The following PGAP6 variants were observed in gnomAD, a reference collection of about 807,000 sequenced individuals.
The protein encoded by PGAP6 is post-GPI attachment to proteins factor 6.
PGAP6 carries 62 observed loss-of-function variants against 68.4 expected under a neutral mutation model. The observed-to-expected ratio is 0.91, with a 90% CI of 0.74 to 1.12. The LOEUF (loss-of-function observed/expected upper bound fraction) is 1.12. Among genes scored for constraint, PGAP6 ranks in the 50% most tolerant of loss-of-function variants. The pLI is 0.00. For synonymous variants in PGAP6, 575 were observed against 474.0 expected, an observed-to-expected ratio of 1.21 and a Z score of -2.77; for missense variants, 1,188 against 1,068.5, an observed-to-expected ratio of 1.11 and a Z score of -1.56.
Position 380,231 on chromosome 16 carries a change from T to C in PGAP6, c.121+1470A>G, listed in dbSNP as rs1304596101. Among the ~76,000 whole-genome samples the C allele has an allele frequency of 2.0e-5, 3 of 152,152 alleles. No individual in the cohort carries two copies. In the East Asian group the frequency reaches 5.8e-4, roughly 29 times the overall value. On this transcript the variant is annotated intron_variant, in intron 1 of 12. Coordinates refer to ENST00000431232, the MANE Select transcript of PGAP6 (RefSeq NM_021259.3). ...AGTTTCCAACGGAGTAAGGTTTTGGTATTTCTGAGGGTCTCACTCTGTCAC... is the reference window on the plus strand; with the variant it reads ...AGTTTCCAACGGAGTAAGGTTTTGGCATTTCTGAGGGTCTCACTCTGTCAC...
Position 372,693 on chromosome 16 carries a change from A to AT in PGAP6, c.1936dup (p.Met646AsnfsTer70). On this transcript the variant is annotated frameshift_variant, in exon 12 of 13. Coordinates refer to ENST00000431232, the MANE Select transcript of PGAP6 (RefSeq NM_021259.3). LOFTEE classifies it high-confidence loss of function. The stretch of plus-strand genomic sequence containing the variant: ...GCCCCTGCGGTCCAGCTGCAAGGAC[A>AT]TGGCGATGACCAGTGTACCCAGAAG... 2.5e-6 allele frequency: 4 copies of AT among 1,612,478 alleles called. No individual in the cohort carries two copies. Among genetic ancestry groups the AT allele is most frequent in the Non-Finnish European group, 2.5e-6 (3 of 1,179,778 alleles).
chr16:378,516 T>TGCCATCGCCACCCACACTGCCATC (rs138314253), intron 1 of PGAP6, among the ~76,000 whole-genome samples: 77 of 1,374 alleles, frequency 0.056, 33 homozygotes, highest in African/African-American at 0.16. Context: ...CCACCCGCAC[T>TGCCATCGCCACCCACACTGCCATC]GCCACCCGGA....
chr16:385,706 G>C (rs1207896917), upstream of PGAP6, among the ~76,000 whole-genome samples: 4 of 138,944 alleles, frequency 2.9e-5, no homozygotes, highest in Middle Eastern at 4.0e-3. Context: ...CTCACTGCAA[G>C]CTCCGCCTCC....
rs546881073 is a variant in PGAP6 at position 372,830 on chromosome 16, C to T, written c.1903-103G>A. On this transcript the variant is annotated intron_variant, in intron 11 of 12. Coordinates refer to ENST00000431232, the MANE Select transcript of PGAP6 (RefSeq NM_021259.3). ...CCCACAGCACCTCTGCCTGCCCCCT[C>T]GGAGCTGCTGCCACCCTCAGACCAG... 1,639 of 797,572 alleles carry T rather than the reference C, an allele frequency of 2.1e-3. 3 individuals carry two copies. The highest frequency in any genetic ancestry group is 2.9e-3 in the Non-Finnish European group (1,418 of 494,660). The allele number at this position is 797,572 out of a possible 1,614,324, so 49.4% of individuals were successfully genotyped here.
At chr16:372,818 T>A (rs972610422) in intron 11 of PGAP6, 91 bp from the exon 12 acceptor site, 18 of 895,276 alleles carry the variant, frequency 2.0e-5, no homozygotes, top group South Asian at 3.2e-5. Context: ...ACAGCACCTC[T>A]GCCTGCCCCC....
upstream of PGAP6, chr16:382,004 G>A: frequency 2.1e-6 from 2 of 934,644 alleles, no homozygotes; most frequent in Non-Finnish European, 2.6e-6. Context: ...CGCCCCGCAG[G>A]CCGAGCCGGG....
At position 372,656 on chromosome 16, in the gene PGAP6, C is replaced by A. The variant is rs1053073778; in HGVS notation, c.1974G>T (p.Met658Ile). 3 of 1,612,346 alleles carry A rather than the reference C, an allele frequency of 1.9e-6. No homozygotes were observed. Among genetic ancestry groups the A allele is most frequent in the Non-Finnish European group, 2.5e-6 (3 of 1,179,900 alleles). Reference sequence around the variant, plus strand: ...CGAAGGCAAAGAGGCAGGGCCCCAGCATGTTCCACATGCCCCTGCGGTCCA... The same window carrying A: ...CGAAGGCAAAGAGGCAGGGCCCCAGAATGTTCCACATGCCCCTGCGGTCCA... ...LQLDRRGMWN[M>I]LGPCLFAFVI... Residue 658 changes from methionine to isoleucine, a missense_variant, in exon 12 of 13, where the codon ATG (methionine) becomes ATT (isoleucine). Coordinates refer to ENST00000431232, the MANE Select transcript of PGAP6 (RefSeq NM_021259.3).
At chr16:383,610 A>C (rs1216628905), upstream of PGAP6, among the ~76,000 whole-genome samples, 1 of 152,266 alleles carries the variant, frequency 6.6e-6, no homozygotes, top group East Asian at 1.9e-4. Flanking sequence ...CACCAGGTGC[A>C]GCAGTAGCTG....
intron 1 of PGAP6, among the ~76,000 whole-genome samples, chr16:380,435 C>T (rs1042312723): frequency 6.6e-5 from 10 of 151,206 alleles, no homozygotes; most frequent in South Asian, 2.1e-4. Flanking sequence ...GGAGCGACTT[C>T]GGCTCACCGC....
upstream of PGAP6, among the ~76,000 whole-genome samples, chr16:385,495 T>C (rs1463217980): frequency 1.3e-5 from 2 of 149,496 alleles, no homozygotes; most frequent in African/African-American, 2.5e-5. Flanking sequence ...TTGTTTTTAG[T>C]AGAGATGGGA....
In PGAP6 at chr16:374,750, A is replaced by G. The variant is rs2054365688; in HGVS notation, c.1576+6T>C. The G allele has an allele frequency of 1.2e-6, 2 of 1,612,204 alleles. No homozygotes were observed. The highest frequency in any genetic ancestry group is 4.5e-5 in the East Asian group (2 of 44,862). The stretch of plus-strand genomic sequence containing the variant: ...GTCTCGGGGCGGGCGGGGCCCTGGC[A>G]CTCACCTGCCTTGCAGCTGCAGCTG... On this transcript the variant is annotated splice_donor_region_variant and intron_variant, in intron 9 of 12. Coordinates refer to ENST00000431232, the MANE Select transcript of PGAP6 (RefSeq NM_021259.3).
chr16:375,415 G>T lies in PGAP6; in HGVS notation c.1245C>A (p.Thr415=), dbSNP rs749451132. The T allele has an allele frequency of 7.4e-6, 12 of 1,612,458 alleles. No individual in the cohort carries two copies. In the Admixed American group the frequency reaches 1.2e-4, roughly 16 times the overall value. ...RANKTEMRNE[T]VVVACVNAAS... ...CAGCATTCACGCAGGCCACTACGACGGTCTCGTTCCGCATCTCTGTCTGGA... is the reference window on the plus strand; with the variant it reads ...CAGCATTCACGCAGGCCACTACGACTGTCTCGTTCCGCATCTCTGTCTGGA... The change falls in exon 7 of 13, where the codon ACC becomes ACA. Residue 415 remains threonine (T), a synonymous_variant. Transcript: ENST00000431232.
rs1450117238 is a variant in PGAP6, at chr16:375,276, C to A, written c.1316-20G>T. The A allele has an allele frequency of 6.2e-7, 1 of 1,612,814 alleles. No homozygotes were observed. The highest frequency in any genetic ancestry group is 8.5e-7 in the Non-Finnish European group (1 of 1,179,916). On this transcript the variant is annotated intron_variant, in intron 7 of 12. Transcript: ENST00000431232. ...AGAAGGCTGCAGGGGAGCCAGAGGG[C>A]CCCATCAGAGGAGGCCGGGGCGGGG...
chr16:382,150 G>A (rs1485033523), upstream of PGAP6: 6 of 382,804 alleles, frequency 1.6e-5, no homozygotes, highest in Middle Eastern at 6.6e-4. Context: ...CGGTCCGGGG[G>A]GACGCTGGAG....
At position 371,747 on chromosome 16, in the gene PGAP6, G is replaced by T. The variant is rs2054334878; in HGVS notation, c.*240C>A. 9.5e-6 allele frequency: 5 copies of T among 527,702 alleles called. No homozygotes were observed. The highest frequency in any genetic ancestry group is 1.4e-5 in the Non-Finnish European group (4 of 292,586). The allele number at this position is 527,702 out of a possible 1,614,324, so 32.7% of individuals were successfully genotyped here. ...CAAGTAACCAAGCCCAGGCCCCAGGGGCCACTGCAGACAGCAGCTGGGATC... is the reference window on the plus strand; with the variant it reads ...CAAGTAACCAAGCCCAGGCCCCAGGTGCCACTGCAGACAGCAGCTGGGATC... On this transcript the variant is annotated 3_prime_UTR_variant, in exon 13 of 13. Transcript: ENST00000431232.
chr16:381,403 G>A (rs2054436650), intron 1 of PGAP6, among the ~76,000 whole-genome samples: 1 of 152,160 alleles, frequency 6.6e-6, no homozygotes, highest in African/African-American at 2.4e-5. Context: ...ACTTCCCCGC[G>A]CCGGGCGCGC....
Position 377,137 on chromosome 16 carries a change from A to G in PGAP6, c.535T>C (p.Phe179Leu), listed in dbSNP as rs764999912. The G allele has an allele frequency of 1.2e-6, 2 of 1,613,522 alleles. No individual in the cohort carries two copies. The highest frequency in any genetic ancestry group is 2.2e-5 in the East Asian group (1 of 44,898). The change falls in exon 4 of 13, where the codon TTC becomes CTC. Residue 179 changes from phenylalanine to leucine, a missense_variant. By Grantham distance (22) the Phe-to-Leu change is conservative. Transcript: ENST00000431232. The part of the protein sequence containing the change: ...KGLAPTCAYV[F>L]QPELLVTRVV... ...CGCGTGACCAGCAGTTCAGGCTGGA[A>G]GACGTAGGCACAGGTGGGAGCCAAG...
upstream of PGAP6, chr16:382,469 C>T (rs2054452710): frequency 5.4e-6 from 2 of 372,822 alleles, no homozygotes; most frequent in Non-Finnish European, 9.5e-6. Flanking sequence ...CGCCGCAGAG[C>T]CGCTGCAGGT....
In PGAP6 at chr16:374,073, A is replaced by G. The variant is rs1324073632; in HGVS notation, c.1834T>C (p.Leu612=). The change falls in exon 11 of 13, where the codon TTG becomes CTG. Residue 612 remains leucine (L), a synonymous_variant. Coordinates refer to ENST00000431232, the MANE Select transcript of PGAP6 (RefSeq NM_021259.3). ...SYDTLQYCDF[L]GSGAAIWVTI... ...ACCCAGATGGCCGCCCCGGAGCCCA[A>G]GAAGTCGCAGTACTGCAGCGTGTCG... 1.2e-6 allele frequency: 2 copies of G among 1,612,108 alleles called. No individual in the cohort carries two copies. Among genetic ancestry groups the G allele is most frequent in the South Asian group, 1.1e-5 (1 of 91,086 alleles).
Sources: allele counts gnomAD v4.1 joint callset (sites outside exome capture counted in the v4.1 genomes callset), GRCh38; gene constraint gnomAD v4.1.1; transcripts MANE v1.5; gene names NCBI Gene and HGNC (gene_info 2026-07-23, HGNC 2026-07-21).